Variants in PDE6B observed in about 807,000 individuals in gnomAD.
The protein encoded by PDE6B is rod cGMP-specific 3',5'-cyclic phosphodiesterase subunit beta.
PDE6B carries 106 observed loss-of-function variants against 109.0 expected under a neutral mutation model. The observed-to-expected ratio is 0.97, with a 90% confidence interval of 0.83 to 1.14. PDE6B has a LOEUF of 1.14. PDE6B is among the 50% of genes most tolerant of loss of function. The pLI is 0.00. For missense variants in PDE6B, 1,193 were observed against 1,155.6 expected (o/e 1.03, Z -0.47); for synonymous variants, 490 against 471.3 (o/e 1.04, Z -0.51).
intron 1 of PDE6B, among the ~76,000 whole-genome samples, chr4:628,722 TGGAG>T (rs1412133037): frequency 6.6e-6 from 1 of 152,092 alleles, no homozygotes; most frequent in East Asian, 1.9e-4. Context: ...GGAGCCACCA[TGGAG>T]GGAGGGGCTG....
At chr4:632,134 G>A (rs894899477) in intron 1 of PDE6B, among the ~76,000 whole-genome samples, 1 of 151,890 alleles carries the variant, frequency 6.6e-6, no homozygotes, top group Non-Finnish European at 1.5e-5. Flanking sequence ...GGGTCATGTT[G>A]TGCTCTTTCC....
rs773059660 is a variant in PDE6B at position 663,906 on chromosome 4, G to A, written c.2021+36G>A. On this transcript the variant is annotated intron_variant, in intron 16 of 21. Transcript: ENST00000496514. The surrounding 1 kb of genome is among the most constrained non-coding windows in gnomAD (Gnocchi z 4.0). ...TCCGGGAGGGGGCGCCTCGCGGGGC[G>A]GGCGGGTAGCCTGGGACCCCCGGCA... 1.3e-6 allele frequency: 2 copies of A among 1,507,430 alleles called. No homozygotes were observed. The highest frequency in any genetic ancestry group is 1.8e-6 in the Non-Finnish European group (2 of 1,096,494). The allele number at this position is 1,507,430 out of a possible 1,614,324, so 93.4% of individuals were successfully genotyped here.
Position 654,146 on chromosome 4 carries a change from G to A in PDE6B, c.919G>A (p.Asp307Asn), listed in dbSNP as rs113666063. ...GCCGTACTCGGGCCCACGCACGCCT[G>A]ATGGCCGGGTGAGTCTTAGGGGAGG... ...SQPYSGPRTP[D>N]GREIVFYKVI... is the part of the protein sequence containing the mutation. The change falls in exon 5 of 22, where the codon GAT (aspartate) becomes AAT (asparagine). Residue 307 changes from aspartate to asparagine, a missense_variant. Transcript: ENST00000496514. 14 of 1,613,396 alleles carry A rather than the reference G, an allele frequency of 8.7e-6. No homozygotes were observed. The highest frequency in any genetic ancestry group is 6.7e-5 in the Admixed American group (4 of 60,008).
At position 663,641 on chromosome 4, in the gene PDE6B, T is replaced by A. The variant is rs1220580850; in HGVS notation, c.1921-129T>A. On this transcript the variant is annotated intron_variant, in intron 15 of 21. Coordinates refer to ENST00000496514, the MANE Select transcript of PDE6B (RefSeq NM_000283.4). This position sits in a 1 kb window ranked among gnomAD's most constrained non-coding sequence, Gnocchi z 4.0. ...CCCTGAGCAGCAGGCGGATTAGGGG[T>A]CCCGCCCACCGAGGGCCCGAGGGCG... The A allele has an allele frequency of 2.8e-6, 2 of 721,690 alleles. No homozygotes were observed. Among genetic ancestry groups the A allele is most frequent in the East Asian group, 5.4e-5 (2 of 37,084 alleles). The allele number at this position is 721,690 out of a possible 1,614,324, so 44.7% of individuals were successfully genotyped here.
intron 3 of PDE6B, among the ~76,000 whole-genome samples, chr4:643,315 GA>G (rs1210526338): frequency 0.012 from 1,699 of 140,604 alleles, 45 homozygotes; most frequent in African/African-American, 0.042. Flanking sequence ...CTCAAAAAAA[GA>G]AAAAAAAAAA....
chr4:656,294 T>C lies in PDE6B; in HGVS notation c.1107+2T>C. 1 of 1,530,390 alleles carries C rather than the reference T, an allele frequency of 6.5e-7. No homozygotes were observed. The highest frequency in any genetic ancestry group is 9.1e-7 in the Non-Finnish European group (1 of 1,103,698). 94.8% of individuals were successfully genotyped at this position (1,530,390 alleles called of 1,614,324 possible). A position where few individuals can be genotyped will look rare whatever the true frequency, so the allele number is the denominator to read the frequency against. Reference sequence around the variant, plus strand: ...GCTGACGAAATGTTCAAATTTCAGGTATCTGTCTGTGCCTTGGTAGAAATT... The same window carrying C: ...GCTGACGAAATGTTCAAATTTCAGGCATCTGTCTGTGCCTTGGTAGAAATT... On this transcript the variant is annotated splice_donor_variant, in intron 8 of 21. Coordinates refer to ENST00000496514, the MANE Select transcript of PDE6B (RefSeq NM_000283.4). LOFTEE classifies it high-confidence loss of function.
At chr4:646,922 A>G (rs1291554358) in intron 3 of PDE6B, among the ~76,000 whole-genome samples, 2 of 151,258 alleles carry the variant, frequency 1.3e-5, no homozygotes, top group African/African-American at 2.4e-5. Context: ...CAGTGGCTCA[A>G]TCTCGGCTCA....
chr4:665,373 A>G lies in PDE6B; in HGVS notation c.2268+44A>G. ...ACCTTCCACTCCTGAAACGGGTGTT[A>G]GAGACCCCTCTTGGTCCTCAGGAGC... On this transcript the variant is annotated intron_variant, in intron 19 of 21. Coordinates refer to ENST00000496514, the MANE Select transcript of PDE6B (RefSeq NM_000283.4). This position sits in a 1 kb window ranked among gnomAD's most constrained non-coding sequence, Gnocchi z 4.0. 1 of 1,391,934 alleles carries G rather than the reference A, an allele frequency of 7.2e-7. No homozygotes were observed. The highest frequency in any genetic ancestry group is 1.0e-6 in the Non-Finnish European group (1 of 979,598). 86.2% of individuals were successfully genotyped at this position (1,391,934 alleles called of 1,614,324 possible).
At chr4:654,241 G>A in intron 5 of PDE6B, 87 bp downstream of exon 5, 2 of 1,263,858 alleles carry the variant, frequency 1.6e-6, no homozygotes, top group Non-Finnish European at 1.1e-6. Context: ...GAGGGATAGG[G>A]GTGGGGTTTA....
At chr4:634,273 G>A (rs1734531753) in intron 1 of PDE6B, among the ~76,000 whole-genome samples, 1 of 152,172 alleles carries the variant, frequency 6.6e-6, no homozygotes, top group South Asian at 2.1e-4. Flanking sequence ...TGTCCTGCAG[G>A]GGGCTGAAGG....
In PDE6B at chr4:635,949, TGC is replaced by T; in HGVS notation, c.693_694del (p.Cys231Ter). ...KIYHLSYLHNCETRRGQVLLW... is the reference protein window; with the variant it reads ...KIYHLSYLHNXETRRGQVLLW... ...CTATCACCTGAGCTACCTCCACAAC[TGC>T]GAGACGCGCCGCGGCCAGGTACCCA... On this transcript the variant is annotated frameshift_variant, in exon 3 of 22. Coordinates refer to ENST00000496514, the MANE Select transcript of PDE6B (RefSeq NM_000283.4). LOFTEE classifies it high-confidence loss of function. 1 of 1,607,644 alleles carries T rather than the reference TGC, an allele frequency of 6.2e-7. No homozygotes were observed. The highest frequency in any genetic ancestry group is 8.5e-7 in the Non-Finnish European group (1 of 1,174,072).
chr4:656,541 C>T (rs984240238), intron 8 of PDE6B, among the ~76,000 whole-genome samples: 1 of 151,938 alleles, frequency 6.6e-6, no homozygotes, highest in African/African-American at 2.4e-5. Flanking sequence ...AGGCCGTGAC[C>T]GCGGCCCCCA....
chr4:661,949 C>T (rs1577296054), intron 12 of PDE6B, 185 bp from the exon 13 acceptor site: 1 of 636,372 alleles, frequency 1.6e-6, no homozygotes, highest in African/African-American at 1.8e-5. Flanking sequence ...TGTGGCAGCC[C>T]CTACCCAGGA....
intron 10 of PDE6B, among the ~76,000 whole-genome samples, chr4:658,632 G>A (rs987121292): frequency 5.3e-5 from 8 of 152,130 alleles, no homozygotes; most frequent in African/African-American, 1.9e-4. Context: ...TGTCTGCACG[G>A]CCCTGGCATC....
Position 666,638 on chromosome 4 carries a change from A to C in PDE6B, c.2352+24A>C. On this transcript the variant is annotated intron_variant, in intron 20 of 21. Transcript: ENST00000496514. This position sits in a 1 kb window ranked among gnomAD's most constrained non-coding sequence, Gnocchi z 5.6. ...AGGCGAGTGGTTCACGGGTGTTCCG[A>C]GCTGACTGGGGCAGGGTGGCTGGGA... 1 of 1,532,224 alleles carries C rather than the reference A, an allele frequency of 6.5e-7. No individual in the cohort carries two copies. 94.9% of individuals were successfully genotyped at this position (1,532,224 alleles called of 1,614,324 possible).
chr4:650,115 G>T (rs1284344583), intron 3 of PDE6B, among the ~76,000 whole-genome samples: 1 of 152,138 alleles, frequency 6.6e-6, no homozygotes. Context: ...GTACCGGGGT[G>T]CTGGGACGCT....
At position 665,151 on chromosome 4, in the gene PDE6B, G is replaced by T; in HGVS notation, c.2194-104G>T. The T allele has an allele frequency of 2.2e-6, 2 of 927,456 alleles. No homozygotes were observed. Among genetic ancestry groups the T allele is most frequent in the Non-Finnish European group, 3.5e-6 (2 of 568,338 alleles). 57.5% of individuals were successfully genotyped at this position (927,456 alleles called of 1,614,324 possible). A position where few individuals can be genotyped will look rare whatever the true frequency, so the allele number is the denominator to read the frequency against. Reference sequence around the variant, plus strand: ...AGCCCTGTGTGGTGGGGACCCCGGGGGTCTGGGGCGGAGAAGACCGAGGCT... The same window carrying T: ...AGCCCTGTGTGGTGGGGACCCCGGGTGTCTGGGGCGGAGAAGACCGAGGCT... On this transcript the variant is annotated intron_variant, in intron 18 of 21. Transcript: ENST00000496514. This position sits in a 1 kb window ranked among gnomAD's most constrained non-coding sequence, Gnocchi z 4.0.
At chr4:630,062 G>A (rs1734308004) in intron 1 of PDE6B, among the ~76,000 whole-genome samples, 2 of 152,154 alleles carry the variant, frequency 1.3e-5, no homozygotes, top group South Asian at 2.1e-4. Context: ...AGGACCCCCC[G>A]GCCAGGCATC....
rs1399157357 is a variant in PDE6B at position 665,603 on chromosome 4, C to T, written c.2268+274C>T. Among the ~76,000 whole-genome samples, 1 of 152,184 alleles carries T rather than the reference C, an allele frequency of 6.6e-6. No individual in the cohort carries two copies. The highest frequency in any genetic ancestry group is 2.4e-5 in the African/African-American group (1 of 41,448). ...ACCAGGAGCCTCTGGGTCCAGGCAGCTCTGCAGGTGAACCCCAGCAGGGCC... is the reference window on the plus strand; with the variant it reads ...ACCAGGAGCCTCTGGGTCCAGGCAGTTCTGCAGGTGAACCCCAGCAGGGCC... On this transcript the variant is annotated intron_variant, in intron 19 of 21. Transcript: ENST00000496514. The surrounding 1 kb of genome is among the most constrained non-coding windows in gnomAD (Gnocchi z 4.0).
Sources: allele counts gnomAD v4.1 joint callset (sites outside exome capture counted in the v4.1 genomes callset), GRCh38; gene constraint gnomAD v4.1.1; non-coding constraint Gnocchi (gnomAD v3.1); transcripts MANE v1.5; gene names NCBI Gene and HGNC (gene_info 2026-07-23, HGNC 2026-07-21).